ARHGAP32: variants seen among roughly 807,000 people sequenced by gnomAD.
ARHGAP32 encodes rho GTPase-activating protein 32.
Under a neutral mutation model 186.5 loss-of-function variants are expected in ARHGAP32, and 51 were observed. The observed-to-expected ratio is 0.27, with a 90% CI of 0.22 to 0.35. The LOEUF (loss-of-function observed/expected upper bound fraction) is 0.35. ARHGAP32 is among the 10% of genes least tolerant of loss of function. The pLI is 1.00. For missense variants in ARHGAP32, 2,186 were observed against 2,623.5 expected (o/e 0.83, Z 3.64); for synonymous variants, 950 against 964.3 (o/e 0.99, Z 0.27).
chr11:128,980,443 T>C, intron 18 of ARHGAP32, 110 bp downstream of exon 18: 2 of 801,964 alleles, frequency 2.5e-6, no homozygotes, highest in Non-Finnish European at 3.8e-6. Flanking sequence ...GGGACTAGCC[T>C]AGAATTCAAT....
chr11:129,099,779 G>T (rs1219368158), intron 5 of ARHGAP32, among the ~76,000 whole-genome samples: 1 of 152,132 alleles, frequency 6.6e-6, no homozygotes, highest in African/African-American at 2.4e-5. Flanking sequence ...TGGCTGACTA[G>T]ATGCAGCCAG....
intron 6 of ARHGAP32, among the ~76,000 whole-genome samples, chr11:129,087,127 T>C (rs564009072): frequency 6.6e-6 from 1 of 152,314 alleles, no homozygotes; most frequent in Admixed American, 6.5e-5. Flanking sequence ...ACAGGAACTG[T>C]CATTCATTGC....
At chr11:129,186,354 C>T (rs1490052273) in intron 1 of ARHGAP32, among the ~76,000 whole-genome samples, 1 of 152,170 alleles carries the variant, frequency 6.6e-6, no homozygotes, top group South Asian at 2.1e-4. Flanking sequence ...AAGTCTTGTA[C>T]TGGCATGCCT....
chr11:128,991,749 T>A (rs1287344922), intron 12 of ARHGAP32, among the ~76,000 whole-genome samples: 1 of 152,220 alleles, frequency 6.6e-6, no homozygotes, highest in Non-Finnish European at 1.5e-5. Context: ...TCTTAGTTTT[T>A]AAAATATCAT....
chr11:129,200,628 C>G (rs1032852588), intron 1 of ARHGAP32, among the ~76,000 whole-genome samples: 1 of 152,122 alleles, frequency 6.6e-6, no homozygotes, highest in Non-Finnish European at 1.5e-5. Context: ...TCGGGTATGT[C>G]TTTATCAGCA....
chr11:129,131,624 G>C (rs539782090), intron 2 of ARHGAP32, among the ~76,000 whole-genome samples: 7 of 152,110 alleles, frequency 4.6e-5, no homozygotes, highest in African/African-American at 1.7e-4. Context: ...GACGAAAACG[G>C]CAAGGGGGAA....
At chr11:128,974,050 A>T (rs771077053) in intron 21 of ARHGAP32, 74 bp downstream of exon 21, 2 of 1,530,336 alleles carry the variant, frequency 1.3e-6, no homozygotes, top group African/African-American at 2.8e-5. Flanking sequence ...TTTCTCTCTT[A>T]AAAGGCACAG....
chr11:128,975,339 T>C (rs1032911634), intron 20 of ARHGAP32, among the ~76,000 whole-genome samples: 1 of 152,230 alleles, frequency 6.6e-6, no homozygotes, highest in African/African-American at 2.4e-5. Flanking sequence ...CATTTCTTTG[T>C]GTCTTATTTT....
At chr11:129,183,983 C>T (rs902609097) in intron 1 of ARHGAP32, among the ~76,000 whole-genome samples, 1 of 151,974 alleles carries the variant, frequency 6.6e-6, no homozygotes, top group African/African-American at 2.4e-5. Context: ...ATGAATGGCA[C>T]CAGAAGGCCA....
At chr11:129,127,009 T>TA (rs1412428535) in intron 2 of ARHGAP32, among the ~76,000 whole-genome samples, 2 of 152,182 alleles carry the variant, frequency 1.3e-5, no homozygotes, top group East Asian at 1.9e-4. Context: ...TATAAAAGAA[T>TA]AAAAAAGAAT....
chr11:129,049,569 A>T (rs546000778), intron 10 of ARHGAP32, among the ~76,000 whole-genome samples: 2 of 152,044 alleles, frequency 1.3e-5, no homozygotes, highest in Non-Finnish European at 2.9e-5. Context: ...GCAATTACTC[A>T]TCTACTTTTT....
intron 11 of ARHGAP32, among the ~76,000 whole-genome samples, chr11:129,014,279 C>G (rs1240750113): frequency 6.6e-6 from 1 of 152,082 alleles, no homozygotes; most frequent in African/African-American, 2.4e-5. Context: ...CTTTATGATA[C>G]CAATAACCAG....
At position 128,972,722 on chromosome 11, in the gene ARHGAP32, G is replaced by T. The variant is rs1945419399; in HGVS notation, c.3784C>A (p.Pro1262Thr). The change falls in exon 22 of 23, where the codon CCT (proline) becomes ACT (threonine). Residue 1262 changes from proline to threonine, a missense_variant. Pro to Thr is a conservative substitution (Grantham distance 38, BLOSUM62 -1). Transcript: ENST00000682385. ...GTATTCTCTTCGGGGGACCCAGAAG[G>T]AGGGTAGATTTTATCGCTAGGTAAA... Reference protein sequence around the residue: ...PNLPSDKIYPPSGSPEENTST... With the variant: ...PNLPSDKIYPTSGSPEENTST... 1 of 1,613,964 alleles carries T rather than the reference G, an allele frequency of 6.2e-7. No individual in the cohort carries two copies. The highest frequency in any genetic ancestry group is 8.5e-7 in the Non-Finnish European group (1 of 1,180,040).
intron 1 of ARHGAP32, among the ~76,000 whole-genome samples, chr11:129,263,671 A>G (rs1945355023): frequency 1.4e-5 from 2 of 140,426 alleles, no homozygotes; most frequent in African/African-American, 5.3e-5. Context: ...AGGAAGGAGG[A>G]GGAGGAAGAA....
At chr11:129,078,671 T>C (rs1941123756) in intron 6 of ARHGAP32, among the ~76,000 whole-genome samples, 2 of 152,048 alleles carry the variant, frequency 1.3e-5, no homozygotes, top group Admixed American at 1.3e-4. Flanking sequence ...TTTTGTATTT[T>C]TAGTAGAGAC....
chr11:129,179,182 CAT>C (rs1943991897), intron 1 of ARHGAP32, among the ~76,000 whole-genome samples: 1 of 152,132 alleles, frequency 6.6e-6, no homozygotes, highest in Admixed American at 6.5e-5. Flanking sequence ...AGCCAAAAAA[CAT>C]ATGAAAAAAT....
chr11:128,980,670 C>T lies in ARHGAP32; in HGVS notation c.1859G>A (p.Arg620Gln), dbSNP rs563940571. 130 of 1,613,884 alleles carry T rather than the reference C, an allele frequency of 8.1e-5. 4 individuals carry two copies. In the South Asian group the frequency reaches 1.2e-3, roughly 15 times the overall value. ...KLLTLEEAQA[R>Q]TQAQVNSPIV... ...TGGAGAATTGACCTGAGCTTGTGTT[C>T]GTGCCTGGGCCTCTTCCAATGTCAG... Residue 620 changes from arginine (R) to glutamine (Q), a missense_variant, in exon 18 of 23, where the codon CGA (arginine) becomes CAA (glutamine). This residue lies in a region of ARHGAP32 where 263 missense variants were observed against 323.5 expected (regional missense o/e 0.81). Transcript: ENST00000682385.
intron 6 of ARHGAP32, among the ~76,000 whole-genome samples, chr11:129,090,614 C>A (rs1426298418): frequency 6.6e-6 from 1 of 152,060 alleles, no homozygotes; most frequent in Non-Finnish European, 1.5e-5. Context: ...AAGATCAAAA[C>A]AAGACTTTTA....
chr11:129,073,732 T>C (rs1940943068), intron 6 of ARHGAP32, among the ~76,000 whole-genome samples: 1 of 143,076 alleles, frequency 7.0e-6, no homozygotes, highest in South Asian at 2.3e-4. Context: ...TAAAGCAGGA[T>C]AAATTGCATC....
Sources: allele counts gnomAD v4.1 joint callset (sites outside exome capture counted in the v4.1 genomes callset), GRCh38; gene constraint gnomAD v4.1.1; regional missense constraint gnomAD v4.1.1; transcripts MANE v1.5; gene names NCBI Gene and HGNC (gene_info 2026-07-23, HGNC 2026-07-21).